SLC8A2: variants seen among roughly 807,000 people sequenced by gnomAD.
SLC8A2 encodes sodium/calcium exchanger 2.
A neutral mutation model predicts 70.2 loss-of-function variants in SLC8A2; 14 were observed. That is an observed-to-expected ratio of 0.20 (90% CI 0.13 to 0.31). The LOEUF (loss-of-function observed/expected upper bound fraction) is 0.31. Among genes scored for constraint, SLC8A2 ranks in the 10% least tolerant of loss-of-function variants. The probability of loss-of-function intolerance (pLI) is 1.00; values close to 1 mark genes in which losing one functional copy is unlikely to be tolerated. For synonymous variants in SLC8A2, 575 were observed against 594.3 expected (o/e 0.97, Z 0.47); for missense variants, 779 against 1,320.1 (o/e 0.59, Z 6.35).
In SLC8A2 at chr19:47,432,874, A is replaced by G. The variant is rs890212479; in HGVS notation, c.2111-429T>C. On this transcript the variant is annotated intron_variant, in intron 8 of 9. Transcript: ENST00000236877. This position sits in a 1 kb window ranked among gnomAD's most constrained non-coding sequence, Gnocchi z 6.2. ...TGAAGCTAGGAGTGTGAATGGGCCC[A>G]GGTGACAAATATTTATTTTCCCAGA... Among the ~76,000 whole-genome samples the G allele has an allele frequency of 5.3e-5, 8 of 151,840 alleles. No individual in the cohort carries two copies. Among genetic ancestry groups the G allele is most frequent in the Non-Finnish European group, 1.2e-4 (8 of 67,984 alleles).
At chr19:47,433,636 C>T (rs1036125573) in intron 8 of SLC8A2, among the ~76,000 whole-genome samples, 19 of 151,054 alleles carry the variant, frequency 1.3e-4, no homozygotes, top group African/African-American at 4.6e-4. Context: ...ATTTGACCAG[C>T]TTTTGACCTG....
chr19:47,446,584 T>A (rs1184199210), intron 4 of SLC8A2, among the ~76,000 whole-genome samples: 1 of 152,198 alleles, frequency 6.6e-6, no homozygotes, highest in Non-Finnish European at 1.5e-5. Flanking sequence ...CACACCACCA[T>A]GCCCAGCTAA....
rs1321777500 is a variant in SLC8A2, at chr19:47,448,026, T to C, written c.1546A>G (p.Ile516Val). ...LVAPLLATVT[I>V]LDDDHAGIFS... ...ATGCCTGCGTGGTCGTCGTCCAGGATGGTGACGGTGGCCAGCAGCGGCGCC... is the reference window on the plus strand; with the variant it reads ...ATGCCTGCGTGGTCGTCGTCCAGGACGGTGACGGTGGCCAGCAGCGGCGCC... Residue 516 changes from isoleucine (I) to valine (V), a missense_variant, in exon 4 of 10, where the codon ATC becomes GTC. Around this residue, in one of 6 missense-constraint regions of SLC8A2, gnomAD observed 247 missense variants for 362.8 expected, o/e 0.68. Coordinates refer to ENST00000236877, the MANE Select transcript of SLC8A2 (RefSeq NM_015063.3). The surrounding 1 kb of genome is among the most constrained non-coding windows in gnomAD (Gnocchi z 4.8). 6.4e-7 allele frequency: 1 copy of C among 1,566,078 alleles called. No individual in the cohort carries two copies. Among genetic ancestry groups the C allele is most frequent in the Admixed American group, 1.9e-5 (1 of 52,734 alleles).
rs570111185 is a variant in SLC8A2 at position 47,428,182 on chromosome 19, C to A, written c.*1907G>T. On this transcript the variant is annotated 3_prime_UTR_variant, in exon 10 of 10. Coordinates refer to ENST00000236877, the MANE Select transcript of SLC8A2 (RefSeq NM_015063.3). Reference sequence around the variant, plus strand: ...GGCTAGTGGAAGCCCCTGACTGAAGCAGGAAGGCGTGGCTGAAGCACGACT... The same window carrying A: ...GGCTAGTGGAAGCCCCTGACTGAAGAAGGAAGGCGTGGCTGAAGCACGACT... 1 of 144,520 alleles carries A rather than the reference C, an allele frequency of 6.9e-6. No individual in the cohort carries two copies. Among genetic ancestry groups the A allele is most frequent in the East Asian group, 2.1e-4 (1 of 4,714 alleles). The allele number at this position is 144,520 out of a possible 1,614,324, so 9.0% of individuals were successfully genotyped here.
intron 8 of SLC8A2, among the ~76,000 whole-genome samples, chr19:47,436,019 G>A (rs182859061): frequency 2.0e-5 from 3 of 152,112 alleles, no homozygotes; most frequent in East Asian, 1.9e-4. Context: ...GAAATGTGCC[G>A]ATTTCCAGCC....
At chr19:47,458,818 G>C (rs754829058) in intron 2 of SLC8A2, among the ~76,000 whole-genome samples, 1 of 144,132 alleles carries the variant, frequency 6.9e-6, no homozygotes, top group African/African-American at 2.6e-5. Flanking sequence ...TCCCGTCACC[G>C]TTTCTCTCTC....
chr19:47,437,288 C>G (rs1282749502), intron 8 of SLC8A2, among the ~76,000 whole-genome samples, 174 bp downstream of exon 8: 21 of 152,046 alleles, frequency 1.4e-4, no homozygotes, highest in Admixed American at 1.4e-3. Flanking sequence ...GCCTCAAACT[C>G]CTGGCCTCAA....
intron 6 of SLC8A2, among the ~76,000 whole-genome samples, chr19:47,439,887 C>T (rs767541468): frequency 1.3e-5 from 2 of 152,144 alleles, no homozygotes; most frequent in Non-Finnish European, 2.9e-5. Context: ...TGGTCTTGAA[C>T]TCCTGACCTT....
intron 2 of SLC8A2, among the ~76,000 whole-genome samples, chr19:47,464,016 C>T (rs763097650): frequency 1.1e-4 from 17 of 152,168 alleles, no homozygotes; most frequent in Non-Finnish European, 2.2e-4. Flanking sequence ...ATGGATCAAA[C>T]TCTGAGGCCA....
At chr19:47,463,097 T>C (rs920682221) in intron 2 of SLC8A2, among the ~76,000 whole-genome samples, 3 of 152,126 alleles carry the variant, frequency 2.0e-5, no homozygotes, top group Admixed American at 6.5e-5. Flanking sequence ...TGATGAAGCA[T>C]TTCCAGGTGG....
rs769578754 is a variant in SLC8A2 at position 47,432,278 on chromosome 19, C to T, written c.2278G>A (p.Gly760Ser). The change falls in exon 9 of 10, where the codon GGC (glycine) becomes AGC (serine). Residue 760 changes from glycine (G) to serine (S), a missense_variant. Around this residue, in one of 6 missense-constraint regions of SLC8A2, gnomAD observed 108 missense variants for 269.6 expected, o/e 0.40. Coordinates refer to ENST00000236877, the MANE Select transcript of SLC8A2 (RefSeq NM_015063.3). The surrounding 1 kb of genome is among the most constrained non-coding windows in gnomAD (Gnocchi z 6.2). ...TCCCCAATGAGGGCGGTGAGCAGGC[C>T]GATGACCAGGATGGAGACACCAAAG... Reference protein sequence around the residue: ...ACFGVSILVIGLLTALIGDLA... With the variant: ...ACFGVSILVISLLTALIGDLA... The T allele has an allele frequency of 2.2e-5, 35 of 1,614,074 alleles. No individual in the cohort carries two copies. Among genetic ancestry groups the T allele is most frequent in the South Asian group, 3.3e-5 (3 of 91,078 alleles).
At chr19:47,437,039 C>G (rs1160313385) in intron 8 of SLC8A2, among the ~76,000 whole-genome samples, 4 of 152,122 alleles carry the variant, frequency 2.6e-5, no homozygotes, top group Non-Finnish European at 5.9e-5. Flanking sequence ...CCCTCCCAGC[C>G]GCTCCAGCCA....
Position 47,457,369 on chromosome 19 carries a change from C to G in SLC8A2, c.901G>C (p.Gly301Arg), listed in dbSNP as rs1191262908. 6.5e-7 allele frequency: 1 copy of G among 1,545,652 alleles called. No individual in the cohort carries two copies. The highest frequency in any genetic ancestry group is 1.2e-5 in the South Asian group (1 of 83,194). ...TCCAGCTCGCGCGCCTCGGCGGGGC[C>G]CGGGCCCAGGCCGCCCAGCTCACCT... ...APGELGGLGP[G>R]PAEARELDAS... Residue 301 changes from glycine to arginine, a missense_variant, in exon 3 of 10, where the codon GGC (glycine) becomes CGC (arginine). This residue lies in a region of SLC8A2 where 186 missense variants were observed against 246.6 expected (regional missense o/e 0.75). Coordinates refer to ENST00000236877, the MANE Select transcript of SLC8A2 (RefSeq NM_015063.3).
intron 2 of SLC8A2, among the ~76,000 whole-genome samples, 170 bp from the exon 3 acceptor site, chr19:47,457,764 TTCC>T: frequency 6.6e-6 from 1 of 150,768 alleles, no homozygotes; most frequent in Non-Finnish European, 1.5e-5. Flanking sequence ...CTTTCTTTCT[TTCC>T]TTTCTTTCTT....
intron 3 of SLC8A2, among the ~76,000 whole-genome samples, chr19:47,451,054 G>A (rs990530937): frequency 7.0e-6 from 1 of 142,858 alleles, no homozygotes; most frequent in South Asian, 2.2e-4. Context: ...TGTCGCCCAG[G>A]CTGGAGTGCA....
intron 6 of SLC8A2, among the ~76,000 whole-genome samples, chr19:47,438,296 T>TG (rs1967057093): frequency 6.6e-6 from 1 of 152,176 alleles, no homozygotes; most frequent in African/African-American, 2.4e-5. Context: ...ACCTACCTCA[T>TG]GGGGTGGTTG....
intron 8 of SLC8A2, among the ~76,000 whole-genome samples, chr19:47,436,761 G>A (rs1488321759): frequency 6.6e-6 from 1 of 152,142 alleles, no homozygotes. Context: ...GCCAGTGTTG[G>A]CTTCCAAGAC....
intron 2 of SLC8A2, among the ~76,000 whole-genome samples, chr19:47,460,197 C>T (rs953224068): frequency 3.3e-5 from 5 of 152,162 alleles, no homozygotes; most frequent in African/African-American, 1.2e-4. Context: ...CTAACAGAGA[C>T]ACACATCTGG....
chr19:47,439,465 G>A (rs1181554639), intron 6 of SLC8A2, among the ~76,000 whole-genome samples: 2 of 152,136 alleles, frequency 1.3e-5, no homozygotes, highest in African/African-American at 2.4e-5. Flanking sequence ...CCCGGGGGGT[G>A]GAGGTTGCCA....
Sources: allele counts gnomAD v4.1 joint callset (sites outside exome capture counted in the v4.1 genomes callset), GRCh38; gene constraint gnomAD v4.1.1; regional missense constraint gnomAD v4.1.1; non-coding constraint Gnocchi (gnomAD v3.1); transcripts MANE v1.5; gene names NCBI Gene and HGNC (gene_info 2026-07-23, HGNC 2026-07-21).